The following BRINP3 variants were observed in gnomAD, a reference collection of about 807,000 sequenced individuals.
BRINP3 encodes the protein BMP/retinoic acid inducible neural specific 3.
A neutral mutation model predicts 71.0 loss-of-function variants in BRINP3; 19 were observed. The ratio of observed to expected loss-of-function variants is 0.27; its 90% CI spans 0.19 to 0.39. BRINP3 has a LOEUF of 0.39. Ranked by LOEUF, BRINP3 falls within the 10% of genes least tolerant of loss-of-function variation. The pLI is 1.00. For missense variants in BRINP3, 959 were observed against 940.8 expected, an observed-to-expected ratio of 1.02 and a Z score of -0.25; for synonymous variants, 380 against 337.7, an observed-to-expected ratio of 1.13 and a Z score of -1.37.
chr1:190,248,292 CAA>C (rs1055646328), intron 4 of BRINP3, among the ~76,000 whole-genome samples: 5 of 151,330 alleles, frequency 3.3e-5, no homozygotes, highest in African/African-American at 1.2e-4. Context: ...TTGATTTAGT[CAA>C]GTTGCTATTT....
At chr1:190,144,763 C>A (rs1404409873) in intron 7 of BRINP3, among the ~76,000 whole-genome samples, 2 of 152,038 alleles carry the variant, frequency 1.3e-5, no homozygotes, top group African/African-American at 4.8e-5. Flanking sequence ...TCAGTCATCC[C>A]CAATAACTCT....
chr1:190,350,228 C>T (rs1229176136), intron 2 of BRINP3, among the ~76,000 whole-genome samples: 1 of 152,072 alleles, frequency 6.6e-6, no homozygotes, highest in East Asian at 1.9e-4. Context: ...CATCGCTCTA[C>T]AAATCTCCTT....
intron 2 of BRINP3, among the ~76,000 whole-genome samples, chr1:190,326,902 C>T (rs192372697): frequency 9.2e-5 from 14 of 151,662 alleles, no homozygotes; most frequent in African/African-American, 2.2e-4. Context: ...TTAGAAACTA[C>T]GAAACAACCA....
At chr1:190,107,247 C>T (rs1571714534) in intron 7 of BRINP3, among the ~76,000 whole-genome samples, 1 of 151,844 alleles carries the variant, frequency 6.6e-6, no homozygotes, top group East Asian at 1.9e-4. Flanking sequence ...TGTCATTACT[C>T]AATAAGATAT....
intron 2 of BRINP3, among the ~76,000 whole-genome samples, chr1:190,292,859 A>G (rs1663974046): frequency 6.6e-6 from 1 of 151,978 alleles, no homozygotes; most frequent in South Asian, 2.1e-4. Flanking sequence ...GTAGTCTCTA[A>G]CAATCTTTTG....
intron 7 of BRINP3, among the ~76,000 whole-genome samples, chr1:190,113,041 C>T (rs1652822339): frequency 6.6e-6 from 1 of 152,026 alleles, no homozygotes; most frequent in South Asian, 2.1e-4. Flanking sequence ...TTTTAATTAA[C>T]TAGATTGTGA....
At chr1:190,266,542 G>GA (rs2102881446) in intron 3 of BRINP3, among the ~76,000 whole-genome samples, 1 of 152,208 alleles carries the variant, frequency 6.6e-6, no homozygotes, top group South Asian at 2.1e-4. Flanking sequence ...TAGTGTAAAT[G>GA]AAAAACAGCT....
chr1:190,129,813 C>A (rs571049755), intron 7 of BRINP3, among the ~76,000 whole-genome samples: 8 of 151,938 alleles, frequency 5.3e-5, no homozygotes, highest in African/African-American at 1.9e-4. Context: ...AAAATCAAGA[C>A]AGAATAAGAG....
chr1:190,107,966 T>A (rs568327085), intron 7 of BRINP3, among the ~76,000 whole-genome samples: 2 of 152,142 alleles, frequency 1.3e-5, no homozygotes, highest in East Asian at 1.9e-4. Context: ...CCTTCTAGAC[T>A]CTATATTATT....
chr1:190,381,042 T>G (rs1179901720), intron 2 of BRINP3, among the ~76,000 whole-genome samples: 3 of 152,114 alleles, frequency 2.0e-5, no homozygotes, highest in Non-Finnish European at 4.4e-5. Flanking sequence ...GTTACACTGA[T>G]AAGTGATAGA....
chr1:190,246,179 T>C (rs1406772385), intron 4 of BRINP3, among the ~76,000 whole-genome samples: 1 of 152,088 alleles, frequency 6.6e-6, no homozygotes, highest in African/African-American at 2.4e-5. Flanking sequence ...TAAAATCCAA[T>C]GTGAAATACA....
intron 7 of BRINP3, among the ~76,000 whole-genome samples, chr1:190,126,410 T>G (rs1481031696): frequency 6.6e-6 from 1 of 151,900 alleles, no homozygotes; most frequent in Non-Finnish European, 1.5e-5. Context: ...ATGGTATGCT[T>G]TGACTGTCTT....
intron 7 of BRINP3, among the ~76,000 whole-genome samples, chr1:190,113,693 A>G (rs901487540): frequency 6.6e-6 from 1 of 152,204 alleles, no homozygotes; most frequent in African/African-American, 2.4e-5. Context: ...CAAATTACTC[A>G]AGTCCTCCGT....
chr1:190,439,537 G>A (rs1327305759), intron 2 of BRINP3, among the ~76,000 whole-genome samples: 4 of 151,920 alleles, frequency 2.6e-5, no homozygotes, highest in African/African-American at 9.7e-5. Flanking sequence ...GAGTACGTGT[G>A]TGTGTGTATG....
Position 190,429,044 on chromosome 1 carries a change from T to A in BRINP3, c.236+25611A>T, listed in dbSNP as rs528807640. On this transcript the variant is annotated intron_variant, in intron 2 of 7. Transcript: ENST00000367462. ...ACTTGCTATAAATCAGATGCTGCTT[T>A]AGCTACTTTACATTTACTCATTCAG... Among the ~76,000 whole-genome samples the A allele has an allele frequency of 1.1e-4, 16 of 152,270 alleles. No homozygotes were observed. In the East Asian group the frequency reaches 3.1e-3, roughly 29 times the overall value.
chr1:190,389,233 T>C (rs993204546), intron 2 of BRINP3, among the ~76,000 whole-genome samples: 4 of 151,646 alleles, frequency 2.6e-5, no homozygotes, highest in African/African-American at 9.7e-5. Context: ...ATTTGATGTT[T>C]GTACATGATC....
intron 2 of BRINP3, among the ~76,000 whole-genome samples, chr1:190,309,518 T>C (rs748350160): frequency 9.2e-5 from 14 of 151,892 alleles, no homozygotes; most frequent in Non-Finnish European, 1.5e-4. Flanking sequence ...TGAATAGTTT[T>C]AGAGAAGTGT....
chr1:190,248,073 TG>T (rs1470795254), intron 4 of BRINP3, among the ~76,000 whole-genome samples: 1 of 151,886 alleles, frequency 6.6e-6, no homozygotes, highest in African/African-American at 2.4e-5. Flanking sequence ...TTTTTTATTC[TG>T]GTTTCAGAAT....
intron 2 of BRINP3, among the ~76,000 whole-genome samples, chr1:190,397,702 A>C (rs1671667407): frequency 6.6e-6 from 1 of 152,024 alleles, no homozygotes; most frequent in Non-Finnish European, 1.5e-5. Flanking sequence ...TTGGAGTTTG[A>C]ATACAGGAGG....
Sources: allele counts gnomAD v4.1 joint callset (sites outside exome capture counted in the v4.1 genomes callset), GRCh38; gene constraint gnomAD v4.1.1; transcripts MANE v1.5; gene names NCBI Gene and HGNC (gene_info 2026-07-23, HGNC 2026-07-21).